CTNND2: variants seen among roughly 807,000 people sequenced by gnomAD.
CTNND2 encodes catenin delta 2.
A neutral mutation model predicts 144.4 loss-of-function variants in CTNND2; 22 were observed. That is an observed-to-expected ratio of 0.15 (90% CI 0.11 to 0.22). The LOEUF (loss-of-function observed/expected upper bound fraction) is 0.22, where lower values mean the gene tolerates loss of function less well. CTNND2 is among the 10% of genes least tolerant of loss of function. The pLI is 1.00. For synonymous variants in CTNND2, 751 were observed against 695.6 expected, an observed-to-expected ratio of 1.08 and a Z score of -1.25; for missense variants, 1,353 against 1,618.8, an observed-to-expected ratio of 0.84 and a Z score of 2.82.
intron 1 of CTNND2, among the ~76,000 whole-genome samples, chr5:11,879,343 A>ATATATATATATATATATATATATATG (rs1735827808): frequency 2.0e-5 from 2 of 99,166 alleles, no homozygotes; most frequent in African/African-American, 3.2e-5. Flanking sequence ...AAATGTGTGT[A>ATATATATATATATATATATATATATG]TATATATATA....
At chr5:11,865,298 A>G (rs897720404) in intron 1 of CTNND2, among the ~76,000 whole-genome samples, 4 of 152,184 alleles carry the variant, frequency 2.6e-5, no homozygotes, top group African/African-American at 9.7e-5. Flanking sequence ...AACTAGGACT[A>G]TATTGCTTGG....
At chr5:11,461,478 A>C (rs1766216044) in intron 3 of CTNND2, among the ~76,000 whole-genome samples, 1 of 152,188 alleles carries the variant, frequency 6.6e-6, no homozygotes, top group Non-Finnish European at 1.5e-5. Flanking sequence ...TATTAGAAAT[A>C]GGCATGTCTC....
At chr5:11,629,026 A>G (rs567100161) in intron 2 of CTNND2, among the ~76,000 whole-genome samples, 1 of 152,334 alleles carries the variant, frequency 6.6e-6, no homozygotes, top group Non-Finnish European at 1.5e-5. Flanking sequence ...TGGATGACAC[A>G]TAATTGGGAG....
chr5:11,474,093 T>C (rs761263653), intron 3 of CTNND2, among the ~76,000 whole-genome samples: 1 of 152,226 alleles, frequency 6.6e-6, no homozygotes, highest in Non-Finnish European at 1.5e-5. Flanking sequence ...ATTATTTGGT[T>C]TAAACTGACA....
rs1456737510 is a variant in CTNND2 at position 11,111,029 on chromosome 5, A to G, written c.2292T>C (p.Cys764=). The G allele has an allele frequency of 6.2e-7, 1 of 1,613,266 alleles. No individual in the cohort carries two copies. Among genetic ancestry groups the G allele is most frequent in the Non-Finnish European group, 8.5e-7 (1 of 1,179,406 alleles). ...ACGAGAGGTTCCTTAAAATGCACAC[A>G]CAGTTTTCAACGGTCTGCAGAAAAG... ...SEIDSKTVEN[C]VCILRNLSYR... is the part of the protein sequence containing the mutation. Residue 764 remains cysteine, a synonymous_variant, in exon 14 of 22, where the codon TGT becomes TGC. Transcript: ENST00000304623.
At chr5:11,548,968 G>A (rs1775511331) in intron 3 of CTNND2, among the ~76,000 whole-genome samples, 1 of 152,166 alleles carries the variant, frequency 6.6e-6, no homozygotes, top group Admixed American at 6.6e-5. Context: ...TCCAGTTGAA[G>A]CTTAAAATGC....
At chr5:11,662,263 G>GTATATATATACATATATATGTGTATA (rs1380327036) in intron 2 of CTNND2, among the ~76,000 whole-genome samples, 1 of 123,102 alleles carries the variant, frequency 8.1e-6, no homozygotes, top group Admixed American at 7.7e-5. Flanking sequence ...GTGTATATAT[G>GTATATATATACATATATATGTGTATA]TGTGTGTGTG....
intron 3 of CTNND2, among the ~76,000 whole-genome samples, chr5:11,548,313 A>C (rs986842414): frequency 1.3e-5 from 2 of 152,042 alleles, no homozygotes; most frequent in Non-Finnish European, 2.9e-5. Flanking sequence ...GGCCTAGAAG[A>C]CTCTCCAACA....
chr5:11,722,543 G>A (rs1786748415), intron 2 of CTNND2, among the ~76,000 whole-genome samples: 1 of 152,196 alleles, frequency 6.6e-6, no homozygotes, highest in Non-Finnish European at 1.5e-5. Flanking sequence ...ATAAACGAAA[G>A]AGGTTTAACT....
At chr5:10,998,902 T>C (rs1262062454) in intron 18 of CTNND2, among the ~76,000 whole-genome samples, 1 of 152,200 alleles carries the variant, frequency 6.6e-6, no homozygotes, top group Non-Finnish European at 1.5e-5. Flanking sequence ...CTTGAGCATC[T>C]ACAAATTCTG....
intron 9 of CTNND2, among the ~76,000 whole-genome samples, chr5:11,331,133 A>G (rs930741620): frequency 1.3e-5 from 2 of 152,212 alleles, no homozygotes; most frequent in African/African-American, 2.4e-5. Flanking sequence ...GTTAATTGCC[A>G]CTTATCTTAA....
intron 1 of CTNND2, among the ~76,000 whole-genome samples, chr5:11,787,979 A>G (rs1790924173): frequency 6.6e-6 from 1 of 152,208 alleles, no homozygotes; most frequent in Non-Finnish European, 1.5e-5. Context: ...ATTGCTCCCT[A>G]TAAGTTTACT....
intron 10 of CTNND2, among the ~76,000 whole-genome samples, chr5:11,228,339 GTC>G (rs1246831307): frequency 9.6e-6 from 1 of 103,694 alleles, no homozygotes; most frequent in Non-Finnish European, 1.8e-5. Context: ...AGGAGACTCT[GTC>G]TCTCTCTCTC....
chr5:11,355,039 G>T (rs1414439990), intron 8 of CTNND2, among the ~76,000 whole-genome samples: 5 of 152,104 alleles, frequency 3.3e-5, no homozygotes, highest in African/African-American at 7.2e-5. Context: ...AAATTTCCTT[G>T]TGACAAATGA....
intron 16 of CTNND2, among the ~76,000 whole-genome samples, chr5:11,023,659 T>C (rs184941916): frequency 1.3e-5 from 2 of 152,360 alleles, no homozygotes; most frequent in South Asian, 2.1e-4. Flanking sequence ...TTTTATTGTG[T>C]AGTTCTACCA....
chr5:11,732,281 C>T lies in CTNND2; in HGVS notation c.38-9G>A. The T allele has an allele frequency of 1.2e-6, 2 of 1,612,680 alleles. No individual in the cohort carries two copies. Among genetic ancestry groups the T allele is most frequent in the Non-Finnish European group, 1.7e-6 (2 of 1,179,140 alleles). The stretch of plus-strand genomic sequence containing the variant: ...TGGAACAGGCATAGCTCCTGCAAGG[C>T]AAGAGGACATGATCAATACAATCAG... On this transcript the variant is annotated splice_polypyrimidine_tract_variant and intron_variant, in intron 1 of 21. Transcript: ENST00000304623.
intron 1 of CTNND2, among the ~76,000 whole-genome samples, chr5:11,882,019 T>G (rs1736154817): frequency 6.6e-6 from 1 of 152,090 alleles, no homozygotes; most frequent in African/African-American, 2.4e-5. Flanking sequence ...ACCTGTTAGA[T>G]ATCTCTATGT....
chr5:11,694,692 A>G (rs1174203572), intron 2 of CTNND2, among the ~76,000 whole-genome samples: 1 of 152,222 alleles, frequency 6.6e-6, no homozygotes, highest in Non-Finnish European at 1.5e-5. Flanking sequence ...CTGAGGATGG[A>G]TTGTATATCC....
At chr5:11,650,213 C>A (rs901191548) in intron 2 of CTNND2, among the ~76,000 whole-genome samples, 1 of 152,108 alleles carries the variant, frequency 6.6e-6, no homozygotes, top group African/African-American at 2.4e-5. Flanking sequence ...AAGTGTGCAA[C>A]CCCTCCTCCT....
Sources: allele counts gnomAD v4.1 joint callset (sites outside exome capture counted in the v4.1 genomes callset), GRCh38; gene constraint gnomAD v4.1.1; transcripts MANE v1.5; gene names NCBI Gene and HGNC (gene_info 2026-07-23, HGNC 2026-07-21).